Variants in ALAS1 observed in about 807,000 individuals in gnomAD.
ALAS1 encodes the protein 5'-aminolevulinate synthase 1.
Under a neutral mutation model 59.6 loss-of-function variants are expected in ALAS1, and 29 were observed. The observed-to-expected ratio is 0.49, with a 90% CI of 0.36 to 0.66. The LOEUF (loss-of-function observed/expected upper bound fraction) is 0.66, where lower values mean the gene tolerates loss of function less well. Ranked by LOEUF, ALAS1 falls within the 30% of genes least tolerant of loss-of-function variation. The probability of loss-of-function intolerance (pLI) is 0.00; values close to 1 mark genes in which losing one functional copy is unlikely to be tolerated. For synonymous variants in ALAS1, 299 were observed against 296.6 expected (o/e 1.01, Z -0.08); for missense variants, 690 against 807.5 (o/e 0.85, Z 1.76).
chr3:52,205,269 C>T (rs1458460395), intron 6 of ALAS1, among the ~76,000 whole-genome samples: 1 of 152,074 alleles, frequency 6.6e-6, no homozygotes, highest in African/African-American at 2.4e-5. Flanking sequence ...TCTAGCAGCG[C>T]TAGAGAAAAA....
rs1285063855 is a variant in ALAS1, at chr3:52,199,435, G to A, written c.194G>A (p.Ser65Asn). 6.2e-7 allele frequency: 1 copy of A among 1,613,034 alleles called. No individual in the cohort carries two copies. Among genetic ancestry groups the A allele is most frequent in the Middle Eastern group, 1.7e-4 (1 of 5,908 alleles). ...CAGATCAAAGAAACCCCTCCGGCCAGTGAGAGTAAGTGTCATTGACAATGA... is the reference window on the plus strand; with the variant it reads ...CAGATCAAAGAAACCCCTCCGGCCAATGAGAGTAAGTGTCATTGACAATGA... ...YQQIKETPPA[S>N]EKDKTAKAKV... Residue 65 changes from serine to asparagine, a missense_variant, in exon 3 of 12, where the codon AGT becomes AAT. By Grantham distance (46) the Ser-to-Asn change is conservative. Transcript: ENST00000484952.
chr3:52,206,044 T>C lies in ALAS1; in HGVS notation c.985+21T>C, dbSNP rs748905046. 27 of 1,562,786 alleles carry C rather than the reference T, an allele frequency of 1.7e-5. 1 individual carries two copies. The South Asian group carries it at 2.8e-4, about 16-fold the overall frequency. Reference sequence around the variant, plus strand: ...GCCAGGTAAGGAAGCCTGGCATGAGTGCCTTCGAGTTTTTTGGGTTTCTTA... The same window carrying C: ...GCCAGGTAAGGAAGCCTGGCATGAGCGCCTTCGAGTTTTTTGGGTTTCTTA... On this transcript the variant is annotated intron_variant, in intron 7 of 11. Coordinates refer to ENST00000484952, the MANE Select transcript of ALAS1 (RefSeq NM_000688.6).
intron 6 of ALAS1, among the ~76,000 whole-genome samples, chr3:52,205,590 G>C (rs1196651642): frequency 1.1e-4 from 16 of 152,106 alleles, no homozygotes; most frequent in Admixed American, 1.0e-3. Context: ...CTAATACCAA[G>C]CACTTACTGA....
At chr3:52,203,296 T>C (rs1348010337) in intron 4 of ALAS1, among the ~76,000 whole-genome samples, 1 of 152,184 alleles carries the variant, frequency 6.6e-6, no homozygotes, top group Non-Finnish European at 1.5e-5. Flanking sequence ...ATCCCAGCAC[T>C]TTGGGAGGCC....
chr3:52,199,435 G>C lies in ALAS1; in HGVS notation c.194G>C (p.Ser65Thr). 1 of 1,613,034 alleles carries C rather than the reference G, an allele frequency of 6.2e-7. No homozygotes were observed. The change falls in exon 3 of 12, where the codon AGT becomes ACT. Residue 65 changes from serine (S) to threonine (T), a missense_variant. Transcript: ENST00000484952. ...CAGATCAAAGAAACCCCTCCGGCCA[G>C]TGAGAGTAAGTGTCATTGACAATGA... The part of the protein sequence containing the change: ...YQQIKETPPA[S>T]EKDKTAKAKV...
chr3:52,207,725 G>C (rs1324434397), intron 8 of ALAS1, among the ~76,000 whole-genome samples: 1 of 152,138 alleles, frequency 6.6e-6, no homozygotes, highest in Non-Finnish European at 1.5e-5. Context: ...ATAAGTGAGA[G>C]CGATATTTGG....
chr3:52,211,684 C>T (rs917807810), intron 10 of ALAS1, 133 bp downstream of exon 10: 2 of 1,299,332 alleles, frequency 1.5e-6, no homozygotes, highest in African/African-American at 2.9e-5. Context: ...TAGCCAGCCA[C>T]CCTCTGTCAT....
At chr3:52,199,469 G>C in intron 3 of ALAS1, 29 bp downstream of exon 3, 1 of 1,602,116 alleles carries the variant, frequency 6.2e-7, no homozygotes, top group South Asian at 1.1e-5. Flanking sequence ...GAAGGAGCAG[G>C]TATGGGTGTT....
chr3:52,206,659 A>G lies in ALAS1; in HGVS notation c.1073A>G (p.His358Arg). The change falls in exon 8 of 12, where the codon CAC becomes CGC. Residue 358 changes from histidine to arginine, a missense_variant. By Grantham distance (29) the His-to-Arg change is conservative. Coordinates refer to ENST00000484952, the MANE Select transcript of ALAS1 (RefSeq NM_000688.6). ...NSRVPKYIFR[H>R]NDVSHLRELL... is the part of the protein sequence containing the mutation. ...CGAGTGCCAAAGTACATCTTCCGCC[A>G]CAATGATGTCAGCCACCTCAGAGAA... The G allele has an allele frequency of 7.4e-6, 12 of 1,614,212 alleles. No homozygotes were observed. The highest frequency in any genetic ancestry group is 7.6e-6 in the Non-Finnish European group (9 of 1,180,034).
Position 52,202,723 on chromosome 3 carries a change from C to A in ALAS1, c.416C>A (p.Ala139Asp). Reference protein sequence around the residue: ...ELQEDVQEMNAVRKEVAETSA... With the variant: ...ELQEDVQEMNDVRKEVAETSA... ...CAGGAGGATGTGCAGGAAATGAATGCCGTGAGGAAAGGTAAGAGATGAGTT... is the reference window on the plus strand; with the variant it reads ...CAGGAGGATGTGCAGGAAATGAATGACGTGAGGAAAGGTAAGAGATGAGTT... Residue 139 changes from alanine to aspartate, a missense_variant, in exon 4 of 12, where the codon GCC (alanine) becomes GAC (aspartate). Ala to Asp is a moderately radical substitution (Grantham distance 126). Coordinates refer to ENST00000484952, the MANE Select transcript of ALAS1 (RefSeq NM_000688.6). 6.2e-7 allele frequency: 1 copy of A among 1,613,728 alleles called. No homozygotes were observed.
intron 2 of ALAS1, 115 bp downstream of exon 2, chr3:52,198,963 A>AC (rs1699128924): frequency 1.6e-6 from 2 of 1,246,802 alleles, no homozygotes; most frequent in Admixed American, 2.1e-5. Context: ...TACTGTCAGT[A>AC]TTCATTTGGT....
rs150932815 is a variant in ALAS1, at chr3:52,199,248, A to G, written c.7A>G (p.Ser3Gly). 470 of 1,614,036 alleles carry G rather than the reference A, an allele frequency of 2.9e-4. 3 individuals carry two copies. In the African/African-American group the frequency reaches 4.9e-3, roughly 17 times the overall value. Reference sequence around the variant, plus strand: ...GCCAGCATACTTCCTGAACATGGAGAGTGTTGTTCGCCGCTGCCCATTCTT... The same window carrying G: ...GCCAGCATACTTCCTGAACATGGAGGGTGTTGTTCGCCGCTGCCCATTCTT... ME[S>G]VVRRCPFLSR... Residue 3 changes from serine to glycine, a missense_variant, in exon 3 of 12, where the codon AGT becomes GGT. Coordinates refer to ENST00000484952, the MANE Select transcript of ALAS1 (RefSeq NM_000688.6).
intron 11 of ALAS1, among the ~76,000 whole-genome samples, chr3:52,213,589 A>G (rs1387883549): frequency 6.6e-6 from 1 of 152,208 alleles, no homozygotes; most frequent in Non-Finnish European, 1.5e-5. Flanking sequence ...ATCTGATTCT[A>G]GAACATTTTC....
At chr3:52,204,187 C>T (rs1234550862) in intron 5 of ALAS1, among the ~76,000 whole-genome samples, 175 bp downstream of exon 5, 3 of 152,146 alleles carry the variant, frequency 2.0e-5, no homozygotes, top group Non-Finnish European at 4.4e-5. Context: ...TTGAGGCCAG[C>T]CTTGGCAACA....
Position 52,206,569 on chromosome 3 carries a change from T to C in ALAS1, c.986-3T>C, listed in dbSNP as rs201007607. On this transcript the variant is annotated splice_polypyrimidine_tract_variant and splice_region_variant and intron_variant, in intron 7 of 11. Coordinates refer to ENST00000484952, the MANE Select transcript of ALAS1 (RefSeq NM_000688.6). ...GCAATAAATAGCATTTTTGTTGTCT[T>C]AGGCTGTGAGATTTACTCTGATTCT... 1,246 of 1,614,142 alleles carry C rather than the reference T, an allele frequency of 7.7e-4. 2 individuals carry two copies. The highest frequency in any genetic ancestry group is 1.3e-3 in the Admixed American group (81 of 60,010).
chr3:52,209,985 T>C (rs905767742), intron 9 of ALAS1, among the ~76,000 whole-genome samples: 1 of 152,188 alleles, frequency 6.6e-6, no homozygotes, highest in Non-Finnish European at 1.5e-5. Flanking sequence ...TGGCCTCTTC[T>C]GGAGTTTTTA....
At chr3:52,209,871 G>A (rs921513541) in intron 9 of ALAS1, among the ~76,000 whole-genome samples, 4 of 151,968 alleles carry the variant, frequency 2.6e-5, no homozygotes, top group African/African-American at 9.7e-5. Flanking sequence ...GTAGAAACGG[G>A]GTTTCACCAT....
Position 52,204,680 on chromosome 3 carries a change from G to T in ALAS1, c.578-13G>T. On this transcript the variant is annotated splice_polypyrimidine_tract_variant and intron_variant, in intron 5 of 11. Coordinates refer to ENST00000484952, the MANE Select transcript of ALAS1 (RefSeq NM_000688.6). ...CAACCACCATTCTGTACTGTCTTTTGTTCAATTTTTAGCTGTTTCCACTTT... is the reference window on the plus strand; with the variant it reads ...CAACCACCATTCTGTACTGTCTTTTTTTCAATTTTTAGCTGTTTCCACTTT... 6.2e-7 allele frequency: 1 copy of T among 1,609,242 alleles called. No individual in the cohort carries two copies. The highest frequency in any genetic ancestry group is 2.2e-5 in the East Asian group (1 of 44,840).
chr3:52,207,158 C>T lies in ALAS1; in HGVS notation c.1165+407C>T, dbSNP rs187765114. 2.0e-5 allele frequency among the ~76,000 whole-genome samples: 3 copies of T among 152,268 alleles called. No homozygotes were observed. The East Asian group carries it at 5.8e-4, about 29-fold the overall frequency. ...AGCTGGGACTACAGGCGCCTGCCAC[C>T]ACGCCCAGCTAATTTTTTGTATTTT... On this transcript the variant is annotated intron_variant, in intron 8 of 11. Transcript: ENST00000484952.
Sources: gnomAD v4.1 joint callset for allele counts (sites outside exome capture counted in the v4.1 genomes callset) on GRCh38, gnomAD v4.1.1 for gene constraint, MANE v1.5 for transcripts, NCBI Gene and HGNC (gene_info 2026-07-23, HGNC 2026-07-21) for gene names.